Variants in SMAP1 observed in about 807,000 individuals in gnomAD.
SMAP1 encodes the protein stromal membrane-associated protein 1.
In SMAP1, 24 loss-of-function variants were observed where a neutral mutation model predicts 58.5. The ratio of observed to expected loss-of-function variants is 0.41; its 90% CI spans 0.30 to 0.58. SMAP1 has a LOEUF of 0.58. Ranked by LOEUF, SMAP1 falls within the 20% of genes least tolerant of loss-of-function variation. SMAP1 has a pLI of 0.29. For synonymous variants in SMAP1, 216 were observed against 196.6 expected (o/e 1.10, Z -0.82); for missense variants, 563 against 566.3 (o/e 0.99, Z 0.06).
chr6:70,788,227 A>G (rs1756107540), intron 4 of SMAP1, among the ~76,000 whole-genome samples: 1 of 146,838 alleles, frequency 6.8e-6, no homozygotes, highest in African/African-American at 2.5e-5. Flanking sequence ...ACATGTTCTC[A>G]CTCATAGGTG....
At position 70,725,093 on chromosome 6, in the gene SMAP1, G is replaced by T. The variant is rs1252321583; in HGVS notation, c.119-7285G>T. Among the ~76,000 whole-genome samples the T allele has an allele frequency of 3.3e-3, 157 of 47,814 alleles. 2 individuals are homozygous for T. Among genetic ancestry groups the T allele is most frequent in the South Asian group, 0.012 (16 of 1,324 alleles). The allele number at this position is 47,814 out of a possible 152,430, so 31.4% of individuals were successfully genotyped here. A position where few individuals can be genotyped will look rare whatever the true frequency, so the allele number is the denominator to read the frequency against. ...GACTCCATATCCTAAATTAACCAGT[G>T]TTTTTTTTTTTTTTTTTTTTTTTTT... On this transcript the variant is annotated intron_variant, in intron 1 of 10. Coordinates refer to ENST00000370455, the MANE Select transcript of SMAP1 (RefSeq NM_001044305.3).
At chr6:70,817,728 G>A (rs182649413) in intron 6 of SMAP1, among the ~76,000 whole-genome samples, 29 of 152,164 alleles carry the variant, frequency 1.9e-4, no homozygotes, top group Admixed American at 6.5e-4. Context: ...AAATGAATTT[G>A]GTATTTATTT....
At chr6:70,754,407 G>A (rs1766402269) in intron 2 of SMAP1, among the ~76,000 whole-genome samples, 1 of 152,038 alleles carries the variant, frequency 6.6e-6, no homozygotes, top group Admixed American at 6.6e-5. Flanking sequence ...TATATGTAAA[G>A]TTTGGGCATT....
intron 6 of SMAP1, among the ~76,000 whole-genome samples, chr6:70,823,319 G>A (rs1349495678): frequency 1.3e-5 from 2 of 152,126 alleles, no homozygotes; most frequent in African/African-American, 4.8e-5. Flanking sequence ...TAATGAGCCT[G>A]TGCCCCTATG....
chr6:70,839,736 G>T (rs1456865836), intron 7 of SMAP1, among the ~76,000 whole-genome samples: 1 of 152,158 alleles, frequency 6.6e-6, no homozygotes, highest in African/African-American at 2.4e-5. Flanking sequence ...CAGCAGGGAA[G>T]AGGAAGTGTC....
intron 1 of SMAP1, 58 bp downstream of exon 1, chr6:70,668,199 C>T (rs1375798830): frequency 1.2e-5 from 17 of 1,473,050 alleles, no homozygotes; most frequent in East Asian, 2.5e-5. Flanking sequence ...GTGACCTTCC[C>T]GCCGCTGCGG....
intron 1 of SMAP1, chr6:70,668,469 G>C (rs968716434): frequency 1.4e-6 from 2 of 1,424,222 alleles, no homozygotes; most frequent in Admixed American, 5.7e-5. Flanking sequence ...GCGCGGAACC[G>C]GGCACGGGTC....
intron 6 of SMAP1, among the ~76,000 whole-genome samples, chr6:70,822,295 C>G (rs991426793): frequency 6.6e-6 from 1 of 152,108 alleles, no homozygotes; most frequent in African/African-American, 2.4e-5. Flanking sequence ...GTTCTAAGCT[C>G]TTTAAATATA....
chr6:70,829,553 C>T (rs1368399559), intron 6 of SMAP1, among the ~76,000 whole-genome samples: 2 of 152,122 alleles, frequency 1.3e-5, no homozygotes, highest in Admixed American at 6.5e-5. Context: ...GGGCAAGGAA[C>T]CCTGTTAGGA....
At chr6:70,765,484 A>G (rs1238651376) in intron 3 of SMAP1, among the ~76,000 whole-genome samples, 2 of 152,218 alleles carry the variant, frequency 1.3e-5, no homozygotes, top group Non-Finnish European at 2.9e-5. Flanking sequence ...AAGTGAGATA[A>G]TTATTTACCC....
rs113052231 is a variant in SMAP1 at position 70,798,019 on chromosome 6, G to A, written c.496-638G>A. ...CTAATCCTTATTGGAAATGCAAATT[G>A]TGAATATCATAATGCCATTTATACT... On this transcript the variant is annotated intron_variant, in intron 5 of 10. Coordinates refer to ENST00000370455, the MANE Select transcript of SMAP1 (RefSeq NM_001044305.3). Among the ~76,000 whole-genome samples the A allele has an allele frequency of 5.7e-3, 867 of 152,094 alleles. 4 individuals carry two copies. The highest frequency in any genetic ancestry group is 0.02 in the African/African-American group (837 of 41,530).
intron 10 of SMAP1, chr6:70,859,961 T>C: frequency 2.6e-6 from 1 of 385,178 alleles, no homozygotes; most frequent in Non-Finnish European, 4.6e-6. Context: ...AAGATTGCTT[T>C]GGTATTTTTT....
At chr6:70,700,764 A>G (rs1767595011) in intron 1 of SMAP1, among the ~76,000 whole-genome samples, 1 of 152,224 alleles carries the variant, frequency 6.6e-6, no homozygotes, top group Non-Finnish European at 1.5e-5. Context: ...GCCTGCAGCA[A>G]GTTCTACTTG....
At chr6:70,828,509 A>G (rs1391639443) in intron 6 of SMAP1, among the ~76,000 whole-genome samples, 2 of 152,216 alleles carry the variant, frequency 1.3e-5, no homozygotes, top group Admixed American at 1.3e-4. Flanking sequence ...CCTCCCACCT[A>G]CAACAATGGT....
In SMAP1 at chr6:70,861,688, A is replaced by G. The variant is rs1359336954; in HGVS notation, c.*1354A>G. On this transcript the variant is annotated 3_prime_UTR_variant, in exon 11 of 11. Coordinates refer to ENST00000370455, the MANE Select transcript of SMAP1 (RefSeq NM_001044305.3). ...TTATACCTCAATTTTCACTGTGTCC[A>G]GGTGGTACTTTGGCTCGTTGGCTAG... 4 of 1,614,112 alleles carry G rather than the reference A, an allele frequency of 2.5e-6. No homozygotes were observed. The South Asian group carries it at 3.3e-5, about 13-fold the overall frequency.
chr6:70,738,477 T>C (rs891320225), intron 2 of SMAP1, among the ~76,000 whole-genome samples: 8 of 150,124 alleles, frequency 5.3e-5, no homozygotes, highest in African/African-American at 2.0e-4. Context: ...AAAAAACCAG[T>C]GGATACAGGT....
chr6:70,786,211 A>T (rs1465307378), intron 4 of SMAP1, among the ~76,000 whole-genome samples: 1 of 150,440 alleles, frequency 6.6e-6, no homozygotes, highest in Non-Finnish European at 1.5e-5. Flanking sequence ...CCACATGATT[A>T]TCTCAATAGA....
intron 7 of SMAP1, among the ~76,000 whole-genome samples, chr6:70,842,091 G>A (rs185130574): frequency 2.2e-4 from 33 of 152,314 alleles, no homozygotes; most frequent in African/African-American, 7.7e-4. Flanking sequence ...TCTGGAGGAC[G>A]TTTGTGTAGT....
intron 1 of SMAP1, among the ~76,000 whole-genome samples, chr6:70,714,259 C>T (rs1014806031): frequency 2.6e-5 from 4 of 151,840 alleles, no homozygotes; most frequent in Admixed American, 6.6e-5. Flanking sequence ...AAAGATTTAC[C>T]GTTGCTGTTT....
Sources: allele counts gnomAD v4.1 joint callset (sites outside exome capture counted in the v4.1 genomes callset), GRCh38; gene constraint gnomAD v4.1.1; transcripts MANE v1.5; gene names NCBI Gene and HGNC (gene_info 2026-07-23, HGNC 2026-07-21).